PARD3B: variants seen among roughly 807,000 people sequenced by gnomAD.
The protein encoded by PARD3B is par-3 family cell polarity regulator beta.
In PARD3B, 103 loss-of-function variants were observed where a neutral mutation model predicts 130.2. The ratio of observed to expected loss-of-function variants is 0.79; its 90% CI spans 0.67 to 0.93. The LOEUF (loss-of-function observed/expected upper bound fraction) is 0.93, where lower values mean the gene tolerates loss of function less well. Ranked by LOEUF, PARD3B falls within the 40% of genes least tolerant of loss-of-function variation. PARD3B has a pLI of 0.00. For missense variants in PARD3B, 1,609 were observed against 1,499.2 expected, an observed-to-expected ratio of 1.07 and a Z score of -1.21; for synonymous variants, 583 against 553.2, an observed-to-expected ratio of 1.05 and a Z score of -0.76.
intron 1 of PARD3B, among the ~76,000 whole-genome samples, chr2:204,562,875 TTC>T (rs1280620470): frequency 6.6e-6 from 1 of 152,178 alleles, no homozygotes; most frequent in Non-Finnish European, 1.5e-5. Context: ...TTTCCGATTT[TTC>T]TCTCTCTTGT....
intron 2 of PARD3B, among the ~76,000 whole-genome samples, chr2:204,742,602 G>C (rs180878476): frequency 6.6e-6 from 1 of 152,232 alleles, no homozygotes; most frequent in East Asian, 1.9e-4. Context: ...AGGGATAATG[G>C]GAAGGTTGGA....
intron 2 of PARD3B, among the ~76,000 whole-genome samples, chr2:204,724,866 G>A (rs550248049): frequency 6.6e-6 from 1 of 152,146 alleles, no homozygotes; most frequent in South Asian, 2.1e-4. Flanking sequence ...GGGAAGACAG[G>A]ATGGCTGTGG....
chr2:204,635,617 T>C (rs2034848979), intron 1 of PARD3B, among the ~76,000 whole-genome samples: 1 of 152,268 alleles, frequency 6.6e-6, no homozygotes, highest in Non-Finnish European at 1.5e-5. Context: ...TAACTCTCAA[T>C]GATGGACAGA....
intron 18 of PARD3B, among the ~76,000 whole-genome samples, chr2:205,393,397 C>G (rs1339671220): frequency 6.6e-6 from 1 of 152,200 alleles, no homozygotes; most frequent in Non-Finnish European, 1.5e-5. Context: ...AATACTATGA[C>G]TGTGAAGTTT....
intron 4 of PARD3B, among the ~76,000 whole-genome samples, chr2:205,051,355 A>G (rs13029285): frequency 0.036 from 5,426 of 152,344 alleles, 166 homozygotes; most frequent in Admixed American, 0.078. Context: ...TTTCAGTCCA[A>G]TATCCACAGG....
chr2:205,218,394 T>C (rs1187542429), intron 15 of PARD3B, among the ~76,000 whole-genome samples: 1 of 152,178 alleles, frequency 6.6e-6, no homozygotes, highest in East Asian at 1.9e-4. Flanking sequence ...AATTAATAAA[T>C]GTTTATCCCT....
At chr2:205,534,902 C>T (rs2051773388) in intron 21 of PARD3B, among the ~76,000 whole-genome samples, 1 of 152,184 alleles carries the variant, frequency 6.6e-6, no homozygotes, top group Non-Finnish European at 1.5e-5. Flanking sequence ...CATGGCCTAG[C>T]TCTAGAGAGT....
At chr2:205,478,705 A>G (rs1366309739) in intron 20 of PARD3B, among the ~76,000 whole-genome samples, 1 of 152,174 alleles carries the variant, frequency 6.6e-6, no homozygotes, top group African/African-American at 2.4e-5. Context: ...TCTAATGAGG[A>G]TGAGGAGCTA....
intron 15 of PARD3B, among the ~76,000 whole-genome samples, chr2:205,217,066 C>A (rs571450950): frequency 6.6e-6 from 1 of 152,258 alleles, no homozygotes; most frequent in African/African-American, 2.4e-5. Context: ...CGCCAACATT[C>A]TTCCCTAATT....
chr2:205,155,957 G>A (rs1338420526), intron 10 of PARD3B, among the ~76,000 whole-genome samples: 1 of 152,014 alleles, frequency 6.6e-6, no homozygotes, highest in African/African-American at 2.4e-5. Context: ...AAAGACACAT[G>A]CACACGTATG....
chr2:204,663,104 A>T (rs1574642164), intron 1 of PARD3B, among the ~76,000 whole-genome samples: 1 of 152,194 alleles, frequency 6.6e-6, no homozygotes, highest in Admixed American at 6.5e-5. Flanking sequence ...TCCTTATCCC[A>T]GTTCGCCATG....
intron 2 of PARD3B, among the ~76,000 whole-genome samples, chr2:204,736,258 A>G (rs7599264): frequency 0.18 from 27,125 of 151,980 alleles, 2,454 homozygotes; most frequent in Non-Finnish European, 0.2. Flanking sequence ...AAGATGTAAA[A>G]CGTTTTTATT....
At chr2:205,423,391 T>C (rs192942922) in intron 19 of PARD3B, among the ~76,000 whole-genome samples, 1 of 152,350 alleles carries the variant, frequency 6.6e-6, no homozygotes, top group Admixed American at 6.5e-5. Context: ...TTTCACCTGA[T>C]ACTCATGTGT....
chr2:205,075,121 A>G lies in PARD3B; in HGVS notation c.504+27431A>G, dbSNP rs911983022. Among the ~76,000 whole-genome samples, 6 of 152,312 alleles carry G rather than the reference A, an allele frequency of 3.9e-5. No homozygotes were observed. The South Asian group carries it at 1.2e-3, about 32-fold the overall frequency. On this transcript the variant is annotated intron_variant, in intron 4 of 22. Transcript: ENST00000406610. ...TATAGGATGACCTTTTAAAAACATT[A>G]CTACTTACAATTTGAAATGGCTTTA...
intron 2 of PARD3B, among the ~76,000 whole-genome samples, chr2:204,712,305 CA>C (rs2038480721): frequency 1.3e-5 from 2 of 152,096 alleles, no homozygotes; most frequent in Non-Finnish European, 2.9e-5. Flanking sequence ...ACAGGTTAGA[CA>C]TTCTGACATT....
At chr2:205,185,643 T>G in intron 13 of PARD3B, 121 bp from the exon 14 acceptor site, 1 of 709,848 alleles carries the variant, frequency 1.4e-6, no homozygotes, top group South Asian at 1.7e-5. Flanking sequence ...GAGAACTTAT[T>G]TATTTCAGGG....
chr2:204,816,435 GT>G (rs2043149394), intron 2 of PARD3B, among the ~76,000 whole-genome samples: 1 of 151,704 alleles, frequency 6.6e-6, no homozygotes, highest in South Asian at 2.1e-4. Flanking sequence ...TGGTCTTCTG[GT>G]GATACATTTT....
chr2:205,493,638 A>T (rs1293065216), intron 20 of PARD3B, among the ~76,000 whole-genome samples: 2 of 152,124 alleles, frequency 1.3e-5, no homozygotes, highest in Non-Finnish European at 1.5e-5. Context: ...TTTTATTCAG[A>T]GAGTTCGTAA....
In PARD3B at chr2:205,189,263, G is replaced by A. The variant is rs189028517; in HGVS notation, c.2024+3400G>A. On this transcript the variant is annotated intron_variant, in intron 14 of 22. Coordinates refer to ENST00000406610, the MANE Select transcript of PARD3B (RefSeq NM_001302769.2). Reference sequence around the variant, plus strand: ...TGAGACTTCAGACATCATGGTTTTTGTCTTGCCTCTCAAAATCTTCATCCC... The same window carrying A: ...TGAGACTTCAGACATCATGGTTTTTATCTTGCCTCTCAAAATCTTCATCCC... Among the ~76,000 whole-genome samples, 13 of 152,224 alleles carry A rather than the reference G, an allele frequency of 8.5e-5. No individual in the cohort carries two copies. In the East Asian group the frequency reaches 2.5e-3, roughly 29 times the overall value.
Sources: gnomAD v4.1 joint callset for allele counts (sites outside exome capture counted in the v4.1 genomes callset) on GRCh38, gnomAD v4.1.1 for gene constraint, MANE v1.5 for transcripts, NCBI Gene and HGNC (gene_info 2026-07-23, HGNC 2026-07-21) for gene names.